Variants in TRIP4 observed in about 807,000 individuals in gnomAD.
The protein encoded by TRIP4 is thyroid hormone receptor interactor 4.
TRIP4 carries 54 observed loss-of-function variants against 81.8 expected under a neutral mutation model. The ratio of observed to expected loss-of-function variants is 0.66; its 90% CI spans 0.53 to 0.83. The LOEUF is 0.83. Among genes scored for constraint, TRIP4 ranks in the 40% least tolerant of loss-of-function variants. The probability of loss-of-function intolerance (pLI) is 0.00; values close to 1 mark genes in which losing one functional copy is unlikely to be tolerated. For synonymous variants in TRIP4, 270 were observed against 242.8 expected (o/e 1.11, Z -1.04); for missense variants, 662 against 683.6 (o/e 0.97, Z 0.35).
At chr15:64,413,536 G>A (rs1045048078) in intron 7 of TRIP4, among the ~76,000 whole-genome samples, 1 of 151,994 alleles carries the variant, frequency 6.6e-6, no homozygotes, top group African/African-American at 2.4e-5. Context: ...GTGAATGACT[G>A]TAGCGTGCCC....
intron 11 of TRIP4, among the ~76,000 whole-genome samples, chr15:64,441,537 G>T (rs1201303616): frequency 6.6e-6 from 1 of 151,386 alleles, no homozygotes; most frequent in Non-Finnish European, 1.5e-5. Flanking sequence ...ACTTTGGAAG[G>T]CCGAGGCAGG....
At chr15:64,423,334 G>A (rs529279361) in intron 9 of TRIP4, among the ~76,000 whole-genome samples, 121 of 151,768 alleles carry the variant, frequency 8.0e-4, no homozygotes, top group Admixed American at 1.4e-3. Flanking sequence ...GTGGTGGCAC[G>A]TGCGTGTAGT....
chr15:64,443,100 G>T (rs970047106), intron 11 of TRIP4, among the ~76,000 whole-genome samples: 2 of 152,134 alleles, frequency 1.3e-5, no homozygotes, highest in African/African-American at 4.8e-5. Flanking sequence ...GAGAGTGAAA[G>T]CCTACTTATA....
chr15:64,450,867 A>G (rs1476836029), intron 12 of TRIP4: 2 of 325,482 alleles, frequency 6.1e-6, no homozygotes, highest in South Asian at 2.4e-5. Context: ...TCATAATCAT[A>G]CTGGAGTTTC....
In TRIP4 at chr15:64,455,141, AAGTAGT is replaced by A. The variant is rs1892857557; in HGVS notation, c.*80_*85del. 7.6e-7 allele frequency: 1 copy of A among 1,319,770 alleles called. No homozygotes were observed. Among genetic ancestry groups the A allele is most frequent in the Non-Finnish European group, 1.1e-6 (1 of 934,970 alleles). The allele number at this position is 1,319,770 out of a possible 1,614,324, so 81.8% of individuals were successfully genotyped here. ...GCTATCTACTGGTCCTTTGGAATTG[AAGTAGT>A]AGAAACCTAAAGGCTTGGCGTCAGG... On this transcript the variant is annotated 3_prime_UTR_variant, in exon 13 of 13. Transcript: ENST00000261884.
At chr15:64,431,913 G>A (rs1364351710) in intron 11 of TRIP4, among the ~76,000 whole-genome samples, 3 of 104,330 alleles carry the variant, frequency 2.9e-5, no homozygotes, top group Non-Finnish European at 5.3e-5. Context: ...AGACGGAGTC[G>A]TACTCTGTCG....
chr15:64,392,187 A>G (rs905297766), intron 1 of TRIP4, among the ~76,000 whole-genome samples: 18 of 151,594 alleles, frequency 1.2e-4, no homozygotes, highest in Non-Finnish European at 2.2e-4. Context: ...AATCCCAGCT[A>G]CTCAGGAGGC....
At chr15:64,442,273 A>G (rs1238229948) in intron 11 of TRIP4, among the ~76,000 whole-genome samples, 2 of 152,108 alleles carry the variant, frequency 1.3e-5, no homozygotes, top group East Asian at 3.9e-4. Flanking sequence ...GAAACAGACC[A>G]CTTAAGAGGT....
chr15:64,451,627 A>G (rs1291159212), intron 12 of TRIP4, among the ~76,000 whole-genome samples: 1 of 150,998 alleles, frequency 6.6e-6, no homozygotes, highest in Non-Finnish European at 1.5e-5. Flanking sequence ...CTGCACCACC[A>G]TACCCGGCTA....
At chr15:64,451,484 TTTTTG>T in intron 12 of TRIP4, among the ~76,000 whole-genome samples, 1 of 143,154 alleles carries the variant, frequency 7.0e-6, no homozygotes. Flanking sequence ...TTTTTTTTTT[TTTTTG>T]GGGAGTGGGT....
At chr15:64,417,676 C>T (rs147975383) in intron 8 of TRIP4, among the ~76,000 whole-genome samples, 2 of 152,040 alleles carry the variant, frequency 1.3e-5, no homozygotes, top group African/African-American at 2.4e-5. Flanking sequence ...TTTAGTAGTC[C>T]TCCACCCTCT....
intron 3 of TRIP4, among the ~76,000 whole-genome samples, chr15:64,396,308 GCT>G (rs1900293803): frequency 1.1e-5 from 1 of 95,190 alleles, no homozygotes; most frequent in Non-Finnish European, 1.9e-5. Flanking sequence ...ACGGAGTCTT[GCT>G]CTGTCACCCA....
At chr15:64,388,630 G>A (rs1900025066) in intron 1 of TRIP4, among the ~76,000 whole-genome samples, 1 of 152,110 alleles carries the variant, frequency 6.6e-6, no homozygotes, top group Non-Finnish European at 1.5e-5. Context: ...ATTTTAGTCG[G>A]CCCAATCTGA....
At chr15:64,410,112 G>A (rs1456363844) in intron 7 of TRIP4, among the ~76,000 whole-genome samples, 3 of 141,650 alleles carry the variant, frequency 2.1e-5, no homozygotes, top group Non-Finnish European at 4.5e-5. Flanking sequence ...TGCAACCTCC[G>A]CCTCCCAGGT....
intron 11 of TRIP4, among the ~76,000 whole-genome samples, chr15:64,431,847 A>ATATATATATATTTTT: frequency 3.8e-4 from 45 of 119,554 alleles, no homozygotes; most frequent in South Asian, 3.7e-3. Context: ...ATATATATAT[A>ATATATATATATTTTT]TTTTTTTTAT....
chr15:64,426,411 A>G (rs1209592357), intron 11 of TRIP4, among the ~76,000 whole-genome samples: 1 of 152,046 alleles, frequency 6.6e-6, no homozygotes, highest in African/African-American at 2.4e-5. Context: ...TAAAGATTGA[A>G]CTGACAGGTC....
chr15:64,447,714 G>A (rs886374270), intron 12 of TRIP4, among the ~76,000 whole-genome samples: 1 of 152,042 alleles, frequency 6.6e-6, no homozygotes, highest in Non-Finnish European at 1.5e-5. Flanking sequence ...CCACTATTAA[G>A]GATTTATTTA....
rs139829713 is a variant in TRIP4 at position 64,406,637 on chromosome 15, A to G, written c.827+178A>G. Among the ~76,000 whole-genome samples, 381 of 152,350 alleles carry G rather than the reference A, an allele frequency of 2.5e-3. 1 individual carries two copies. The highest frequency in any genetic ancestry group is 8.9e-3 in the African/African-American group (369 of 41,588). On this transcript the variant is annotated intron_variant, in intron 6 of 12. Transcript: ENST00000261884. ...GTTTTTTAATCCACGGTTGAATAATATAGGCTCCTATGAAAAGAATCCTGT... is the reference window on the plus strand; with the variant it reads ...GTTTTTTAATCCACGGTTGAATAATGTAGGCTCCTATGAAAAGAATCCTGT...
intron 4 of TRIP4, 136 bp downstream of exon 4, chr15:64,397,954 G>T (rs1275822029): frequency 1.1e-6 from 1 of 924,150 alleles, no homozygotes; most frequent in African/African-American, 1.7e-5. Flanking sequence ...AGGCTGGAGT[G>T]CAGTGGCACG....
Sources: allele counts gnomAD v4.1 joint callset (sites outside exome capture counted in the v4.1 genomes callset), GRCh38; gene constraint gnomAD v4.1.1; transcripts MANE v1.5; gene names NCBI Gene and HGNC (gene_info 2026-07-23, HGNC 2026-07-21).